GRM7: variants seen among roughly 807,000 people sequenced by gnomAD.
The protein encoded by GRM7 is metabotropic glutamate receptor 7.
Under a neutral mutation model 84.5 loss-of-function variants are expected in GRM7, and 35 were observed. The ratio of observed to expected loss-of-function variants is 0.41; its 90% CI spans 0.32 to 0.55. GRM7 has a LOEUF of 0.55. GRM7 is among the 20% of genes least tolerant of loss of function. The pLI, the probability that GRM7 is intolerant of heterozygous loss-of-function variation, is 0.19. For missense variants in GRM7, 1,003 were observed against 1,194.6 expected (o/e 0.84, Z 2.36); for synonymous variants, 487 against 455.1 (o/e 1.07, Z -0.89).
chr3:7,388,105 G>A (rs577826265), intron 4 of GRM7, among the ~76,000 whole-genome samples: 32 of 152,070 alleles, frequency 2.1e-4, no homozygotes, highest in Middle Eastern at 3.4e-3. Context: ...GTTATTGGTG[G>A]ATAGAAATTC....
intron 2 of GRM7, among the ~76,000 whole-genome samples, chr3:7,149,968 C>A (rs1270569757): frequency 6.6e-6 from 1 of 151,934 alleles, no homozygotes; most frequent in East Asian, 1.9e-4. Flanking sequence ...TGTTTCTATT[C>A]TTATTAACAT....
intron 1 of GRM7, among the ~76,000 whole-genome samples, chr3:7,082,403 C>G (rs191727454): frequency 6.6e-6 from 1 of 151,764 alleles, no homozygotes; most frequent in African/African-American, 2.4e-5. Context: ...AGCTACTACT[C>G]GGTAAAAAAA....
chr3:6,956,745 T>C (rs1693071592), intron 1 of GRM7: 10 of 426,244 alleles, frequency 2.3e-5, no homozygotes, highest in Non-Finnish European at 2.8e-5. Flanking sequence ...TTGTAGAATG[T>C]CTCTTATATA....
chr3:7,029,300 TCAAAAAAAAAAAAA>T (rs1178572102), intron 1 of GRM7, among the ~76,000 whole-genome samples: 5 of 71,268 alleles, frequency 7.0e-5, no homozygotes, highest in African/African-American at 3.3e-4. Flanking sequence ...AGACTCTGCC[TCAAAAAAAAAAAAA>T]CAAAAAAAAA....
At chr3:7,607,971 A>G (rs1227145226) in intron 8 of GRM7, 1 of 250,840 alleles carries the variant, frequency 4.0e-6, no homozygotes, top group Admixed American at 4.2e-5. Flanking sequence ...CTTATAAGTG[A>G]GAACACACCA....
chr3:7,214,209 A>T (rs1372694442), intron 2 of GRM7, among the ~76,000 whole-genome samples: 1 of 152,234 alleles, frequency 6.6e-6, no homozygotes, highest in Non-Finnish European at 1.5e-5. Flanking sequence ...GTCACCTACG[A>T]TGCAATATAA....
intron 2 of GRM7, among the ~76,000 whole-genome samples, chr3:7,202,710 T>A (rs536634328): frequency 1.2e-3 from 186 of 152,302 alleles, no homozygotes; most frequent in Non-Finnish European, 2.0e-3. Context: ...TTTTGAACTT[T>A]ATTGAAGATA....
At chr3:7,501,812 A>G (rs1253004373) in intron 7 of GRM7, among the ~76,000 whole-genome samples, 1 of 152,200 alleles carries the variant, frequency 6.6e-6, no homozygotes, top group African/African-American at 2.4e-5. Context: ...GTGCAATGCA[A>G]TGGAAATAAA....
At chr3:7,703,155 ATTGCT>A in intron 9 of GRM7, among the ~76,000 whole-genome samples, 1 of 152,166 alleles carries the variant, frequency 6.6e-6, no homozygotes, top group East Asian at 1.9e-4. Flanking sequence ...ACTGAGAAGC[ATTGCT>A]GCAATGTAGC....
chr3:7,259,868 C>T (rs1481190479), intron 2 of GRM7, among the ~76,000 whole-genome samples: 3 of 151,062 alleles, frequency 2.0e-5, no homozygotes, highest in Non-Finnish European at 4.4e-5. Flanking sequence ...AATCGCCACA[C>T]TGCGTTCCAC....
Position 7,128,803 on chromosome 3 carries a change from T to C in GRM7, c.520-17649T>C, listed in dbSNP as rs530063853. Among the ~76,000 whole-genome samples the C allele has an allele frequency of 1.9e-4, 29 of 152,022 alleles. No individual in the cohort carries two copies. In the South Asian group the frequency reaches 6.0e-3, roughly 32 times the overall value. The stretch of plus-strand genomic sequence containing the variant: ...GATTGCAGGCGTAAGCCACCACACC[T>C]GACCCAGACTTCTTAATTGCCCAAA... On this transcript the variant is annotated intron_variant, in intron 1 of 9. Coordinates refer to ENST00000357716, the MANE Select transcript of GRM7 (RefSeq NM_000844.4).
chr3:7,638,423 C>G (rs1335528752), intron 8 of GRM7, among the ~76,000 whole-genome samples: 2 of 152,166 alleles, frequency 1.3e-5, no homozygotes, highest in Admixed American at 6.5e-5. Context: ...AAAGAGGAAG[C>G]TAAATCATTG....
At chr3:7,348,200 G>A (rs1007244460) in intron 4 of GRM7, among the ~76,000 whole-genome samples, 4 of 152,032 alleles carry the variant, frequency 2.6e-5, no homozygotes, top group Non-Finnish European at 4.4e-5. Context: ...ACTCAATCTG[G>A]CATTCCAGGC....
At chr3:6,880,171 A>G (rs1027812327) in intron 1 of GRM7, among the ~76,000 whole-genome samples, 2 of 152,166 alleles carry the variant, frequency 1.3e-5, no homozygotes, top group African/African-American at 4.8e-5. Context: ...AATTAATCAG[A>G]TGGCTCACAG....
At chr3:7,240,297 C>T (rs989311923) in intron 2 of GRM7, among the ~76,000 whole-genome samples, 1 of 150,822 alleles carries the variant, frequency 6.6e-6, no homozygotes, top group Non-Finnish European at 1.5e-5. Context: ...CTTGCATGGA[C>T]TTGTGATAGT....
At chr3:7,633,100 T>G (rs1461704660) in intron 8 of GRM7, among the ~76,000 whole-genome samples, 1 of 152,266 alleles carries the variant, frequency 6.6e-6, no homozygotes, top group African/African-American at 2.4e-5. Flanking sequence ...TATAAAACTC[T>G]AAAAATGGCC....
intron 1 of GRM7, among the ~76,000 whole-genome samples, chr3:7,086,656 T>TC (rs1394724453): frequency 1.3e-5 from 2 of 152,204 alleles, no homozygotes; most frequent in Admixed American, 6.5e-5. Context: ...CATCTTTTTT[T>TC]CCCAAGAGGA....
At chr3:7,645,140 A>G (rs773742280) in intron 8 of GRM7, among the ~76,000 whole-genome samples, 5 of 152,138 alleles carry the variant, frequency 3.3e-5, no homozygotes, top group African/African-American at 7.2e-5. Context: ...AGGAGGAATA[A>G]CTAAGACCTT....
At chr3:7,276,705 A>C (rs1345272213) in intron 2 of GRM7, among the ~76,000 whole-genome samples, 2 of 151,514 alleles carry the variant, frequency 1.3e-5, no homozygotes, top group South Asian at 2.1e-4. Context: ...TAAGTGAAAT[A>C]TAGCCTTAGC....
Sources: gnomAD v4.1 joint callset for allele counts (sites outside exome capture counted in the v4.1 genomes callset) on GRCh38, gnomAD v4.1.1 for gene constraint, MANE v1.5 for transcripts, NCBI Gene and HGNC (gene_info 2026-07-23, HGNC 2026-07-21) for gene names.